The following GALNT2 variants were observed in gnomAD, a reference collection of about 807,000 sequenced individuals.
GALNT2 encodes the protein UDP-GalNAc:polypeptide N-acetylgalactosaminyltransferase 2.
In GALNT2, 31 loss-of-function variants were observed where a neutral mutation model predicts 81.4. The observed-to-expected ratio is 0.38, with a 90% CI of 0.29 to 0.51. The LOEUF (loss-of-function observed/expected upper bound fraction) is 0.51. Ranked by LOEUF, GALNT2 falls within the 20% of genes least tolerant of loss-of-function variation. The probability of loss-of-function intolerance (pLI) is 0.87; values close to 1 mark genes in which losing one functional copy is unlikely to be tolerated. For synonymous variants in GALNT2, 303 were observed against 287.4 expected (o/e 1.05, Z -0.55); for missense variants, 629 against 765.7 (o/e 0.82, Z 2.11).
At position 230,110,510 on chromosome 1, in the gene GALNT2, C is replaced by G. The variant is rs1660668689; in HGVS notation, c.126+43104C>G. On this transcript the variant is annotated intron_variant, in intron 1 of 15. Transcript: ENST00000366672. ...TGTCTGACCTTTGCACTAAGTTTCC[C>G]CACTTACACTAAATGGGGATAATCA... 2.6e-5 allele frequency among the ~76,000 whole-genome samples: 4 copies of G among 152,126 alleles called. No homozygotes were observed. In the South Asian group the frequency reaches 8.3e-4, roughly 32 times the overall value.
In GALNT2 at chr1:230,253,971, G is replaced by GA. The variant is rs879636935; in HGVS notation, c.1010-1237dup. On this transcript the variant is annotated intron_variant, in intron 10 of 15. Transcript: ENST00000366672. ...ATTTCCTGGGAATACTATCCAGCCAGAAAAAAAAAATGAAGTCCTGTCATT... is the reference window on the plus strand; with the variant it reads ...ATTTCCTGGGAATACTATCCAGCCAGAAAAAAAAAAATGAAGTCCTGTCATT... Among the ~76,000 whole-genome samples the GA allele has an allele frequency of 9.6e-3, 1,429 of 148,436 alleles. 6 individuals are homozygous for GA. The highest frequency in any genetic ancestry group is 0.038 in the Middle Eastern group (11 of 290).
chr1:230,076,470 A>T (rs1166395509), intron 1 of GALNT2, among the ~76,000 whole-genome samples: 1 of 152,136 alleles, frequency 6.6e-6, no homozygotes, highest in East Asian at 1.9e-4. Flanking sequence ...TTGTTGATTC[A>T]TATTTGCAGG....
chr1:230,228,249 A>G lies in GALNT2; in HGVS notation c.375-7765A>G, dbSNP rs532175701. Among the ~76,000 whole-genome samples, 66 of 152,318 alleles carry G rather than the reference A, an allele frequency of 4.3e-4. No individual in the cohort carries two copies. The Middle Eastern group carries it at 0.01, about 24-fold the overall frequency. On this transcript the variant is annotated intron_variant, in intron 3 of 15. Coordinates refer to ENST00000366672, the MANE Select transcript of GALNT2 (RefSeq NM_004481.5). ...TTCCTTCAAATTAACTCATAAATTC[A>G]GTGCAGTGTCATGCAGGGTTTTTTC...
intron 1 of GALNT2, among the ~76,000 whole-genome samples, chr1:230,160,418 G>A (rs536348908): frequency 1.1e-4 from 17 of 152,278 alleles, no homozygotes; most frequent in African/African-American, 3.9e-4. Flanking sequence ...TGTATACAAT[G>A]ATCTCTGCAT....
intron 1 of GALNT2, among the ~76,000 whole-genome samples, chr1:230,059,585 G>A (rs1658995440): frequency 3.9e-5 from 6 of 152,106 alleles, no homozygotes; most frequent in Admixed American, 3.9e-4. Flanking sequence ...TTGGGCTGTG[G>A]GGTTGTTGCA....
rs116595552 is a variant in GALNT2 at position 230,268,672 on chromosome 1, C to T, written c.1440+3305C>T. On this transcript the variant is annotated intron_variant, in intron 14 of 15. Coordinates refer to ENST00000366672, the MANE Select transcript of GALNT2 (RefSeq NM_004481.5). ...CTTAATTACCGCACAGCTAGTAACA[C>T]GAGACAGAGTCTGGGCCCTGTGGAG... is the stretch of plus-strand genomic sequence containing the variant. 2.4e-3 allele frequency among the ~76,000 whole-genome samples: 362 copies of T among 152,308 alleles called. 2 individuals are homozygous for T. The highest frequency in any genetic ancestry group is 8.3e-3 in the African/African-American group (346 of 41,564).
Position 230,067,294 on chromosome 1 carries a change from C to G in GALNT2, c.14C>G (p.Ser5Trp). 1 of 1,362,104 alleles carries G rather than the reference C, an allele frequency of 7.3e-7. No individual in the cohort carries two copies. Among genetic ancestry groups the G allele is most frequent in the Non-Finnish European group, 9.6e-7 (1 of 1,044,128 alleles). 84.4% of individuals were successfully genotyped at this position (1,362,104 alleles called of 1,614,324 possible). MRRR[S>W]RMLLCFAFLW... The stretch of plus-strand genomic sequence containing the variant: ...CGAGTTGGGAGAATGCGGCGGCGCT[C>G]GCGGATGCTGCTCTGCTTCGCCTTC... Residue 5 changes from serine (S) to tryptophan (W), a missense_variant, in exon 1 of 16, where the codon TCG becomes TGG. Ser to Trp is a radical substitution (Grantham distance 177, BLOSUM62 -3). This residue lies in a region of GALNT2 where 62 missense variants were observed against 47.3 expected (regional missense o/e 1.31). Transcript: ENST00000366672.
chr1:230,241,190 C>T (rs759911173), intron 6 of GALNT2, among the ~76,000 whole-genome samples: 4 of 152,196 alleles, frequency 2.6e-5, no homozygotes, highest in African/African-American at 4.8e-5. Context: ...TCTGGGTCAT[C>T]TCAGGGTGAA....
chr1:230,242,221 T>C (rs1665224833), intron 6 of GALNT2, among the ~76,000 whole-genome samples: 1 of 152,266 alleles, frequency 6.6e-6, no homozygotes, highest in Non-Finnish European at 1.5e-5. Context: ...TTCTGTCTGC[T>C]TCTGGCTTTC....
At chr1:230,151,618 C>T (rs924536138) in intron 1 of GALNT2, among the ~76,000 whole-genome samples, 8 of 152,228 alleles carry the variant, frequency 5.3e-5, no homozygotes, top group African/African-American at 9.6e-5. Context: ...GTGCCCACCA[C>T]GTAAGCTAAG....
At chr1:230,139,038 T>C (rs1229788626) in intron 1 of GALNT2, among the ~76,000 whole-genome samples, 1 of 152,106 alleles carries the variant, frequency 6.6e-6, no homozygotes, top group Non-Finnish European at 1.5e-5. Flanking sequence ...ATGGAGTCAC[T>C]CTGGTTCAAA....
Position 230,076,368 on chromosome 1 carries a change from G to A in GALNT2, c.126+8962G>A, listed in dbSNP as rs572508281. 6.6e-5 allele frequency among the ~76,000 whole-genome samples: 10 copies of A among 152,254 alleles called. No homozygotes were observed. In the South Asian group the frequency reaches 1.0e-3, roughly 16 times the overall value. On this transcript the variant is annotated intron_variant, in intron 1 of 15. Transcript: ENST00000366672. ...CTTTCTGCACATATTGCTGTTTAAC[G>A]AGAAATCCCCCTGGGTCCCTGTGCA...
At chr1:230,223,596 G>A (rs1391402724) in intron 3 of GALNT2, among the ~76,000 whole-genome samples, 2 of 151,610 alleles carry the variant, frequency 1.3e-5, no homozygotes, top group Admixed American at 6.6e-5. Context: ...TCAGCCTCCC[G>A]AGTAGCTGGG....
At chr1:230,086,552 A>G (rs1471559392) in intron 1 of GALNT2, among the ~76,000 whole-genome samples, 1 of 152,188 alleles carries the variant, frequency 6.6e-6, no homozygotes, top group Non-Finnish European at 1.5e-5. Flanking sequence ...CTGGCAAAGG[A>G]GGAAAACAGC....
intron 1 of GALNT2, among the ~76,000 whole-genome samples, chr1:230,100,294 G>A (rs2102776939): frequency 6.7e-6 from 1 of 149,624 alleles, no homozygotes; most frequent in African/African-American, 2.5e-5. Flanking sequence ...GGGATGCCCA[G>A]GGTATCTTTT....
intron 2 of GALNT2, among the ~76,000 whole-genome samples, chr1:230,197,107 C>T (rs1244674550): frequency 1.3e-5 from 2 of 152,100 alleles, no homozygotes; most frequent in African/African-American, 4.8e-5. Flanking sequence ...CTCTCTTCCT[C>T]CACACTCCAC....
chr1:230,263,438 A>C (rs1028811328), intron 13 of GALNT2: 1 of 166,196 alleles, frequency 6.0e-6, no homozygotes. Flanking sequence ...TGCTGCGCTC[A>C]CCCTTGCTGC....
At chr1:230,066,811 G>T (rs897995010), upstream of GALNT2, among the ~76,000 whole-genome samples, 1 of 152,110 alleles carries the variant, frequency 6.6e-6, no homozygotes, top group African/African-American at 2.4e-5. Context: ...CTTTGCCCAC[G>T]TGTGCGCGCG....
At chr1:230,096,793 G>A (rs11801531) in intron 1 of GALNT2, among the ~76,000 whole-genome samples, 2 of 152,200 alleles carry the variant, frequency 1.3e-5, no homozygotes, top group South Asian at 2.1e-4. Flanking sequence ...TTGAAACTTA[G>A]AAGGTGCATT....
Sources: allele counts gnomAD v4.1 joint callset (sites outside exome capture counted in the v4.1 genomes callset), GRCh38; gene constraint gnomAD v4.1.1; regional missense constraint gnomAD v4.1.1; transcripts MANE v1.5; gene names NCBI Gene and HGNC (gene_info 2026-07-23, HGNC 2026-07-21).